The following CPXM1 variants were observed in gnomAD, a reference collection of about 807,000 sequenced individuals.
CPXM1 encodes the protein probable carboxypeptidase X1.
CPXM1 carries 72 observed loss-of-function variants against 80.4 expected under a neutral mutation model. The observed-to-expected ratio is 0.90, with a 90% CI of 0.74 to 1.09. The LOEUF is 1.09. Ranked by LOEUF, CPXM1 falls within the 50% of genes least tolerant of loss-of-function variation. CPXM1 has a pLI of 0.00. For missense variants in CPXM1, 892 were observed against 999.4 expected (o/e 0.89, Z 1.45); for synonymous variants, 403 against 405.6 (o/e 0.99, Z 0.08).
At position 2,796,169 on chromosome 20, in the gene CPXM1, G is replaced by A; in HGVS notation, c.1243-8C>T. 1 of 1,608,836 alleles carries A rather than the reference G, an allele frequency of 6.2e-7. No homozygotes were observed. The highest frequency in any genetic ancestry group is 8.5e-7 in the Non-Finnish European group (1 of 1,177,130). On this transcript the variant is annotated splice_region_variant and splice_polypyrimidine_tract_variant and intron_variant, in intron 9 of 13. Coordinates refer to ENST00000380605, the MANE Select transcript of CPXM1 (RefSeq NM_019609.5). The surrounding 1 kb of genome is among the most constrained non-coding windows in gnomAD (Gnocchi z 6.8). ...GCCCACCAGCTCTGAACCCTGCCGG[G>A]CAAGAGGCTTGTTCAAGTCGAGCAG... is the stretch of plus-strand genomic sequence containing the variant.
Position 2,798,794 on chromosome 20 carries a change from A to T in CPXM1, c.272T>A (p.Val91Glu). 6.2e-7 allele frequency: 1 copy of T among 1,613,940 alleles called. No individual in the cohort carries two copies. The highest frequency in any genetic ancestry group is 1.1e-5 in the South Asian group (1 of 91,060). ...KLTLTRPTPLVTAGPLVTPTP... is the reference protein window; with the variant it reads ...KLTLTRPTPLETAGPLVTPTP... ...GGGGGTCACAAGGGGCCCGGCAGTC[A>T]CCAGTGGGGTGGGGCGAGTTAGAGT... The change falls in exon 2 of 14, where the codon GTG becomes GAG. Residue 91 changes from valine to glutamate, a missense_variant. Around this residue, in one of 2 missense-constraint regions of CPXM1, gnomAD observed 874 missense variants for 958.4 expected, o/e 0.91. Coordinates refer to ENST00000380605, the MANE Select transcript of CPXM1 (RefSeq NM_019609.5).
rs2088500525 is a variant in CPXM1, at chr20:2,795,849, G to T, written c.1470C>A (p.Pro490=). The T allele has an allele frequency of 3.1e-6, 5 of 1,612,166 alleles. No individual in the cohort carries two copies. The African/African-American group carries it at 4.0e-5, about 13-fold the overall frequency. Residue 490 remains proline (P), a synonymous_variant, in exon 11 of 14, where the codon CCC becomes CCA. Transcript: ENST00000380605. This position sits in a 1 kb window ranked among gnomAD's most constrained non-coding sequence, Gnocchi z 5.4. ...CGTGGAGGTTGGCACTTAGCACAAA[G>T]GGGATCCGCTTCATCCACTTGATTA... ...RAVIKWMKRI[P]FVLSANLHGG... is the part of the protein sequence containing the mutation.
chr20:2,796,711 C>G lies in CPXM1; in HGVS notation c.922-61G>C, dbSNP rs1455525100. ...GAGGGGTACACCCAGGGGCAGATCA[C>G]ATGTGCCATGGAAAGACTTAAAAAG... is the stretch of plus-strand genomic sequence containing the variant. On this transcript the variant is annotated intron_variant, in intron 7 of 13. Transcript: ENST00000380605. This position sits in a 1 kb window ranked among gnomAD's most constrained non-coding sequence, Gnocchi z 6.8. The G allele has an allele frequency of 8.2e-6, 13 of 1,594,304 alleles. No individual in the cohort carries two copies. Among genetic ancestry groups the G allele is most frequent in the Admixed American group, 1.7e-5 (1 of 59,040 alleles).
intron 1 of CPXM1, among the ~76,000 whole-genome samples, chr20:2,800,070 G>A (rs1233513005): frequency 6.6e-6 from 1 of 152,068 alleles, no homozygotes; most frequent in Non-Finnish European, 1.5e-5. Context: ...GGGAGTTGAG[G>A]GAGTGTGAGT....
chr20:2,800,152 T>C (rs1456981746), intron 1 of CPXM1, among the ~76,000 whole-genome samples: 1 of 146,922 alleles, frequency 6.8e-6, no homozygotes, highest in Non-Finnish European at 1.5e-5. Context: ...CACGCGCGTG[T>C]GAGTGTGCGT....
Position 2,795,777 on chromosome 20 carries a change from C to T in CPXM1, c.1542G>A (p.Pro514=), listed in dbSNP as rs369243896. Reference sequence around the variant, plus strand: ...TGGGCGTGAGCTCGCGGGCAGCCCACGGGGTGCGAGTCATGTCGAATGGGT... The same window carrying T: ...TGGGCGTGAGCTCGCGGGCAGCCCATGGGGTGCGAGTCATGTCGAATGGGT... ...VSYPFDMTRT[P]WAARELTPTP... is the part of the protein sequence containing the mutation. The change falls in exon 11 of 14, where the codon CCG becomes CCA. Residue 514 remains proline, a synonymous_variant. Transcript: ENST00000380605. This position sits in a 1 kb window ranked among gnomAD's most constrained non-coding sequence, Gnocchi z 5.4. The T allele has an allele frequency of 2.5e-4, 409 of 1,612,844 alleles. No homozygotes were observed. Among genetic ancestry groups the T allele is most frequent in the Non-Finnish European group, 3.2e-4 (375 of 1,180,032 alleles).
chr20:2,798,110 A>C (rs769678582), intron 4 of CPXM1, 42 bp downstream of exon 4: 2 of 1,613,726 alleles, frequency 1.2e-6, no homozygotes, highest in Non-Finnish European at 1.7e-6. Flanking sequence ...CTCCCACCCC[A>C]GTCCTTCTGT....
In CPXM1 at chr20:2,796,481, G is replaced by C; in HGVS notation, c.1046-38C>G. 6.2e-7 allele frequency: 1 copy of C among 1,613,284 alleles called. No individual in the cohort carries two copies. On this transcript the variant is annotated intron_variant, in intron 8 of 13. Coordinates refer to ENST00000380605, the MANE Select transcript of CPXM1 (RefSeq NM_019609.5). This position sits in a 1 kb window ranked among gnomAD's most constrained non-coding sequence, Gnocchi z 6.8. ...GGGGGCTTGCAGCGGGTTCATGCCT[G>C]GGGCCCTGCCCTGTGCCTACCTCTC...
chr20:2,797,056 AT>A lies in CPXM1; in HGVS notation c.870del (p.Ser291ProfsTer5). On this transcript the variant is annotated frameshift_variant, in exon 7 of 14. Coordinates refer to ENST00000380605, the MANE Select transcript of CPXM1 (RefSeq NM_019609.5). LOFTEE classifies it high-confidence loss of function. Reference sequence around the variant, plus strand: ...TGCTGAAAGTCTAGAGGGTCAGAGGATCCCGACGCAGGGGCCTCAAGGAATA... The same window carrying A: ...TGCTGAAAGTCTAGAGGGTCAGAGGACCCGACGCAGGGGCCTCAAGGAATA... ...NDLFLEAPAS[G>X]SSDPLDFQHH... is the part of the protein sequence containing the mutation. 1 of 1,614,052 alleles carries A rather than the reference AT, an allele frequency of 6.2e-7. No homozygotes were observed. Among genetic ancestry groups the A allele is most frequent in the Non-Finnish European group, 8.5e-7 (1 of 1,179,984 alleles).
chr20:2,797,139 G>T, intron 6 of CPXM1, 45 bp from the exon 7 acceptor site: 1 of 1,613,136 alleles, frequency 6.2e-7, no homozygotes, highest in South Asian at 1.1e-5. Context: ...CCACAGTGAA[G>T]GATGCACCCT....
At chr20:2,800,101 T>C (rs1488726115) in intron 1 of CPXM1, among the ~76,000 whole-genome samples, 1 of 148,674 alleles carries the variant, frequency 6.7e-6, no homozygotes, top group African/African-American at 2.5e-5. Flanking sequence ...GTGTGTGCAC[T>C]GTGAGTGTGA....
At position 2,796,368 on chromosome 20, in the gene CPXM1, A is replaced by G; in HGVS notation, c.1121T>C (p.Met374Thr). The change falls in exon 9 of 14, where the codon ATG becomes ACG. Residue 374 changes from methionine to threonine, a missense_variant. Transcript: ENST00000380605. This position sits in a 1 kb window ranked among gnomAD's most constrained non-coding sequence, Gnocchi z 6.8. The stretch of plus-strand genomic sequence containing the variant: ...CAGGAACTCATGGCACAGGAACTGC[A>G]TCAGGAGCAGAAGCAACTCCCGCCC... Reference protein sequence around the residue: ...ALGRELLLLLMQFLCHEFLRG... With the variant: ...ALGRELLLLLTQFLCHEFLRG... The G allele has an allele frequency of 1.2e-6, 2 of 1,614,090 alleles. No individual in the cohort carries two copies. Among genetic ancestry groups the G allele is most frequent in the East Asian group, 4.5e-5 (2 of 44,868 alleles).
At position 2,794,601 on chromosome 20, in the gene CPXM1, G is replaced by A; in HGVS notation, c.1899C>T (p.Asp633=). Reference sequence around the variant, plus strand: ...CAGCGTCAGCAATCCCAAGCTCCGTGTCCTTGTCCCTCACCACTCCTGCAA... The same window carrying A: ...CAGCGTCAGCAATCCCAAGCTCCGTATCCTTGTCCCTCACCACTCCTGCAA... ...MGIAGVVRDK[D]TELGIADAVI... Residue 633 remains aspartate, a synonymous_variant, in exon 13 of 14, where the codon GAC becomes GAT. Coordinates refer to ENST00000380605, the MANE Select transcript of CPXM1 (RefSeq NM_019609.5). The surrounding 1 kb of genome is among the most constrained non-coding windows in gnomAD (Gnocchi z 5.2). The A allele has an allele frequency of 6.2e-7, 1 of 1,613,322 alleles. No homozygotes were observed. The highest frequency in any genetic ancestry group is 8.5e-7 in the Non-Finnish European group (1 of 1,179,996).
At position 2,800,520 on chromosome 20, in the gene CPXM1, G is replaced by A; in HGVS notation, c.53C>T (p.Ala18Val). Residue 18 changes from alanine to valine, a missense_variant, in exon 1 of 14, where the codon GCT becomes GTT. Coordinates refer to ENST00000380605, the MANE Select transcript of CPXM1 (RefSeq NM_019609.5). ...LAAFAPAVGP[A>V]LGAPRNSVLG... The stretch of plus-strand genomic sequence containing the variant: ...CACCGAGTTCCTGGGCGCCCCCAGA[G>A]CCGGGCCGACGGCCGGCGCGAAGGC... The A allele has an allele frequency of 7.3e-7, 1 of 1,364,474 alleles. No individual in the cohort carries two copies. The highest frequency in any genetic ancestry group is 1.7e-5 in the South Asian group (1 of 58,466). 84.5% of individuals were successfully genotyped at this position (1,364,474 alleles called of 1,614,324 possible). A position where few individuals can be genotyped will look rare whatever the true frequency, so the allele number is the denominator to read the frequency against.
rs1167134547 is a variant in CPXM1 at position 2,798,481 on chromosome 20, A to T, written c.397T>A (p.Ser133Thr). The change falls in exon 3 of 14, where the codon TCC (serine) becomes ACC (threonine). Residue 133 changes from serine to threonine, a missense_variant. This residue lies in a region of CPXM1 where 874 missense variants were observed against 958.4 expected (regional missense o/e 0.91). Transcript: ENST00000380605. ...LRVSDSRLEA[S>T]SSQSFGLGPH... The stretch of plus-strand genomic sequence containing the variant: ...CCAAGACCAAAGGACTGGCTGCTGG[A>T]TGCCTCAAGCCGGCTATCTGAAACT... 1 of 1,614,040 alleles carries T rather than the reference A, an allele frequency of 6.2e-7. No individual in the cohort carries two copies. The highest frequency in any genetic ancestry group is 8.5e-7 in the Non-Finnish European group (1 of 1,180,022).
At chr20:2,798,927 G>A (rs199614029) in intron 1 of CPXM1, 34 bp from the exon 2 acceptor site, 30 of 1,595,096 alleles carry the variant, frequency 1.9e-5, no homozygotes, top group Non-Finnish European at 2.2e-5. Flanking sequence ...TGGGGGAAAG[G>A]AAGAATGGTG....
In CPXM1 at chr20:2,797,326, G is replaced by C; in HGVS notation, c.698C>G (p.Ser233Ter). ...GTTCAGCACTGGAGTTTCTGGGTCT[G>C]AATTGGCAGGAAATACCTGGGGGCA... ...SGMDAVFPAN[S>*]DPETPVLNLL... is the part of the protein sequence containing the mutation. Residue 233 changes from serine to a stop codon, truncating the protein, a stop_gained, in exon 6 of 14, where the codon TCA becomes TGA. Transcript: ENST00000380605. LOFTEE classifies it high-confidence loss of function. 4.6e-6 allele frequency: 7 copies of C among 1,510,688 alleles called. No homozygotes were observed. The highest frequency in any genetic ancestry group is 6.2e-6 in the Non-Finnish European group (7 of 1,131,518). 93.6% of individuals were successfully genotyped at this position (1,510,688 alleles called of 1,614,324 possible).
Position 2,796,358 on chromosome 20 carries a change from C to T in CPXM1, c.1131G>A (p.Leu377=), listed in dbSNP as rs1163524368. 4 of 1,614,110 alleles carry T rather than the reference C, an allele frequency of 2.5e-6. No homozygotes were observed. The highest frequency in any genetic ancestry group is 3.4e-6 in the Non-Finnish European group (4 of 1,180,008). The change falls in exon 9 of 14, where the codon CTG becomes CTA. Residue 377 remains leucine (L), a synonymous_variant. Coordinates refer to ENST00000380605, the MANE Select transcript of CPXM1 (RefSeq NM_019609.5). This position sits in a 1 kb window ranked among gnomAD's most constrained non-coding sequence, Gnocchi z 6.8. ...GGTTCCCTCGCAGGAACTCATGGCACAGGAACTGCATCAGGAGCAGAAGCA... is the reference window on the plus strand; with the variant it reads ...GGTTCCCTCGCAGGAACTCATGGCATAGGAACTGCATCAGGAGCAGAAGCA... The part of the protein sequence containing the change: ...RELLLLLMQF[L]CHEFLRGNPR...
chr20:2,800,174 C>A (rs2088554361), intron 1 of CPXM1, among the ~76,000 whole-genome samples: 2 of 148,484 alleles, frequency 1.3e-5, no homozygotes, highest in Non-Finnish European at 3.0e-5. Flanking sequence ...TGTGTGCATG[C>A]GTGTGAATGC....
Sources: allele counts gnomAD v4.1 joint callset (sites outside exome capture counted in the v4.1 genomes callset), GRCh38; gene constraint gnomAD v4.1.1; regional missense constraint gnomAD v4.1.1; non-coding constraint Gnocchi (gnomAD v3.1); transcripts MANE v1.5; gene names NCBI Gene and HGNC (gene_info 2026-07-23, HGNC 2026-07-21).